PTPRD: variants seen among roughly 807,000 people sequenced by gnomAD.
PTPRD encodes the protein receptor-type tyrosine-protein phosphatase delta.
In PTPRD, 34 loss-of-function variants were observed where a neutral mutation model predicts 214.5. The observed-to-expected ratio is 0.16, with a 90% CI of 0.12 to 0.21. The LOEUF (loss-of-function observed/expected upper bound fraction) is 0.21, where lower values mean the gene tolerates loss of function less well. PTPRD is among the 10% of genes least tolerant of loss of function. The pLI, the probability that PTPRD is intolerant of heterozygous loss-of-function variation, is 1.00. For missense variants in PTPRD, 2,545 were observed against 2,398.7 expected (o/e 1.06, Z -1.27); for synonymous variants, 1,128 against 845.7 (o/e 1.33, Z -5.79).
Position 9,847,996 on chromosome 9 carries a change from C to A in PTPRD, c.-367-81145G>T, listed in dbSNP as rs140749053. Among the ~76,000 whole-genome samples, 471 of 152,196 alleles carry A rather than the reference C, an allele frequency of 3.1e-3. 6 individuals are homozygous for A. The highest frequency in any genetic ancestry group is 0.017 in the Middle Eastern group (5 of 294). On this transcript the variant is annotated intron_variant, in intron 5 of 45. Transcript: ENST00000381196. ...AAATCACACAAAGGCAGTGGCAGTC[C>A]ATGTGATTCACAAGCAGCATTGAAG... is the stretch of plus-strand genomic sequence containing the variant.
chr9:10,581,582 A>C (rs113228312), intron 2 of PTPRD, among the ~76,000 whole-genome samples: 18 of 152,170 alleles, frequency 1.2e-4, no homozygotes, highest in African/African-American at 3.9e-4. Context: ...GCTATTCCCA[A>C]TGATAGTTAC....
At chr9:10,492,321 C>T (rs923604808) in intron 2 of PTPRD, among the ~76,000 whole-genome samples, 3 of 151,892 alleles carry the variant, frequency 2.0e-5, no homozygotes, top group Admixed American at 2.0e-4. Context: ...AATTTACTCC[C>T]CCCACCAACA....
chr9:10,116,533 T>A (rs2098732524), intron 3 of PTPRD, among the ~76,000 whole-genome samples: 2 of 152,186 alleles, frequency 1.3e-5, no homozygotes, highest in South Asian at 4.1e-4. Flanking sequence ...TTGTTAGGTT[T>A]TTTAGTGAAA....
chr9:10,098,449 A>C (rs759236998), intron 3 of PTPRD, among the ~76,000 whole-genome samples: 63 of 151,838 alleles, frequency 4.1e-4, no homozygotes, highest in Non-Finnish European at 7.1e-4. Flanking sequence ...CGTATGTAAC[A>C]AACCTGCACG....
At chr9:10,185,751 T>G (rs1045764904) in intron 3 of PTPRD, among the ~76,000 whole-genome samples, 4 of 152,142 alleles carry the variant, frequency 2.6e-5, no homozygotes, top group South Asian at 4.1e-4. Context: ...GTTTTTTTTT[T>G]CCCTGTTGTT....
chr9:10,521,835 C>T (rs901719044), intron 2 of PTPRD, among the ~76,000 whole-genome samples: 3 of 152,150 alleles, frequency 2.0e-5, no homozygotes, highest in South Asian at 4.2e-4. Context: ...AATGCTATTG[C>T]ACAATTAATA....
intron 11 of PTPRD, among the ~76,000 whole-genome samples, chr9:8,881,619 A>G (rs2098446919): frequency 6.6e-6 from 1 of 152,188 alleles, no homozygotes; most frequent in African/African-American, 2.4e-5. Context: ...GTGTTTTTCT[A>G]AAAGTGTGGA....
intron 9 of PTPRD, among the ~76,000 whole-genome samples, chr9:9,282,258 T>A (rs1490462832): frequency 6.6e-6 from 1 of 151,236 alleles, no homozygotes; most frequent in African/African-American, 2.4e-5. Flanking sequence ...GTAGGCTCAT[T>A]GATGCTACCA....
Position 8,757,671 on chromosome 9 carries a change from C to CAT in PTPRD, c.-103-23727_-103-23726dup, listed in dbSNP as rs760332094. 1.8e-3 allele frequency among the ~76,000 whole-genome samples: 245 copies of CAT among 136,158 alleles called. 2 individuals carry two copies. The highest frequency in any genetic ancestry group is 2.6e-3 in the Non-Finnish European group (167 of 65,428). 89.3% of individuals were successfully genotyped at this position (136,158 alleles called of 152,430 possible). On this transcript the variant is annotated intron_variant, in intron 11 of 45. Coordinates refer to ENST00000381196, the MANE Select transcript of PTPRD (RefSeq NM_002839.4). ...ACATATATACATATATATATACATA[C>CAT]ATATATATATATACATAAAAACATT...
chr9:8,426,517 G>C (rs979246075), intron 35 of PTPRD, among the ~76,000 whole-genome samples: 2 of 152,232 alleles, frequency 1.3e-5, no homozygotes, highest in Admixed American at 6.5e-5. Flanking sequence ...AGCAGAGACA[G>C]AGTTGTTTCC....
intron 7 of PTPRD, among the ~76,000 whole-genome samples, chr9:9,617,575 A>C (rs1297504058): frequency 6.6e-6 from 1 of 152,114 alleles, no homozygotes; most frequent in African/African-American, 2.4e-5. Context: ...AGAGAGTTCT[A>C]GGTAAACTGA....
At chr9:8,494,787 G>GA (rs1451182865) in intron 26 of PTPRD, among the ~76,000 whole-genome samples, 6 of 152,236 alleles carry the variant, frequency 3.9e-5, no homozygotes, top group Admixed American at 2.0e-4. Context: ...ATCTCGGCTG[G>GA]ACACACCTCC....
At chr9:9,036,393 A>G (rs538345696) in intron 10 of PTPRD, among the ~76,000 whole-genome samples, 1 of 152,266 alleles carries the variant, frequency 6.6e-6, no homozygotes, top group East Asian at 1.9e-4. Context: ...TTAAAAATAT[A>G]GGGTCTTAAT....
chr9:9,148,869 A>G (rs1211937908), intron 10 of PTPRD, among the ~76,000 whole-genome samples: 1 of 152,192 alleles, frequency 6.6e-6, no homozygotes, highest in South Asian at 2.1e-4. Flanking sequence ...AAAAACAAGA[A>G]AATGATATGG....
intron 5 of PTPRD, among the ~76,000 whole-genome samples, chr9:9,889,029 C>T (rs2072140378): frequency 6.6e-6 from 1 of 152,028 alleles, no homozygotes; most frequent in African/African-American, 2.4e-5. Context: ...GAAAGACAAA[C>T]ACTGCATGAT....
chr9:9,853,206 A>G (rs1415777309), intron 5 of PTPRD, among the ~76,000 whole-genome samples: 1 of 152,252 alleles, frequency 6.6e-6, no homozygotes, highest in African/African-American at 2.4e-5. Context: ...CTTTATTGCA[A>G]GTACTCAACT....
At chr9:8,691,817 G>A (rs1471207276) in intron 12 of PTPRD, among the ~76,000 whole-genome samples, 1 of 152,132 alleles carries the variant, frequency 6.6e-6, no homozygotes, top group Non-Finnish European at 1.5e-5. Context: ...GCAACTTTAT[G>A]CAACTTTATT....
At chr9:8,349,787 G>C (rs1051878286) in intron 39 of PTPRD, among the ~76,000 whole-genome samples, 1 of 152,170 alleles carries the variant, frequency 6.6e-6, no homozygotes, top group Admixed American at 6.5e-5. Flanking sequence ...ATGGAGTCTA[G>C]CATTATGTTG....
intron 12 of PTPRD, among the ~76,000 whole-genome samples, chr9:8,686,367 G>T (rs2097681468): frequency 6.6e-6 from 1 of 152,136 alleles, no homozygotes; most frequent in Admixed American, 6.5e-5. Flanking sequence ...AAACCCACAT[G>T]TTGCATTTGT....
Sources: allele counts gnomAD v4.1 joint callset (sites outside exome capture counted in the v4.1 genomes callset), GRCh38; gene constraint gnomAD v4.1.1; transcripts MANE v1.5; gene names NCBI Gene and HGNC (gene_info 2026-07-23, HGNC 2026-07-21).